The following CELF2 variants were observed in gnomAD, a reference collection of about 807,000 sequenced individuals.
The protein encoded by CELF2 is CUGBP Elav-like family member 2.
CELF2 carries 8 observed loss-of-function variants against 62.6 expected under a neutral mutation model. The observed-to-expected ratio is 0.13, with a 90% CI of 0.07 to 0.23. The LOEUF (loss-of-function observed/expected upper bound fraction) is 0.23. Ranked by LOEUF, CELF2 falls within the 10% of genes least tolerant of loss-of-function variation. The pLI is 1.00. For synonymous variants in CELF2, 258 were observed against 250.0 expected (o/e 1.03, Z -0.30); for missense variants, 333 against 671.0 (o/e 0.50, Z 5.56).
the CELF2 span, among the ~76,000 whole-genome samples, chr10:10,775,137 A>G: frequency 1.3e-5 from 2 of 152,114 alleles, no homozygotes; most frequent in African/African-American, 4.8e-5. Flanking sequence ...TCAGCCTCCC[A>G]AAGTACCGGG....
chr10:10,922,118 C>CAA (rs11439941), intron 2 of CELF2, among the ~76,000 whole-genome samples: 7,302 of 150,240 alleles, frequency 0.049, 580 homozygotes, highest in African/African-American at 0.17. Flanking sequence ...TTAATATTGC[C>CAA]AAAAAAAAAC....
the CELF2 span, among the ~76,000 whole-genome samples, chr10:10,711,523 G>A: frequency 6.6e-6 from 1 of 152,110 alleles, no homozygotes; most frequent in Non-Finnish European, 1.5e-5. Flanking sequence ...AGGTGACCTG[G>A]AGCAATTGCC....
At chr10:10,475,496 T>C in the CELF2 span, among the ~76,000 whole-genome samples, 1 of 151,898 alleles carries the variant, frequency 6.6e-6, no homozygotes, top group Non-Finnish European at 1.5e-5. Context: ...AAAAAAGTAA[T>C]TTTCTACTTC....
chr10:11,071,094 T>C (rs2069816087), intron 1 of CELF2, among the ~76,000 whole-genome samples: 1 of 152,204 alleles, frequency 6.6e-6, no homozygotes, highest in Admixed American at 6.5e-5. Context: ...ATTTTAATCT[T>C]GTTTATGTTT....
chr10:11,254,763 C>T (rs4750035), intron 4 of CELF2, among the ~76,000 whole-genome samples: 54,448 of 152,130 alleles, frequency 0.36, 11,485 homozygotes, highest in Non-Finnish European at 0.48. Context: ...AGAAGAAACA[C>T]AACAGGAATT....
chr10:10,492,938 C>A, the CELF2 span, among the ~76,000 whole-genome samples: 3 of 152,284 alleles, frequency 2.0e-5, no homozygotes, highest in Middle Eastern at 3.4e-3. Flanking sequence ...CTCTTGCCTG[C>A]CACCGTGTAG....
chr10:10,831,561 A>G (rs2057860710), intron 1 of CELF2, among the ~76,000 whole-genome samples: 1 of 152,218 alleles, frequency 6.6e-6, no homozygotes, highest in Non-Finnish European at 1.5e-5. Context: ...CACTATGGAC[A>G]AGGGGGCCCC....
chr10:10,577,802 T>G, the CELF2 span, among the ~76,000 whole-genome samples: 1 of 152,308 alleles, frequency 6.6e-6, no homozygotes, highest in Non-Finnish European at 1.5e-5. Flanking sequence ...CTATTGTGAA[T>G]ATTGCCACAA....
intron 1 of CELF2, among the ~76,000 whole-genome samples, chr10:10,825,209 T>TG (rs2057288061): frequency 6.6e-6 from 1 of 151,930 alleles, no homozygotes; most frequent in South Asian, 2.1e-4. Flanking sequence ...TTGTTTTTTG[T>TG]TTTTTGTGTT....
the CELF2 span, among the ~76,000 whole-genome samples, chr10:10,575,799 G>T: frequency 6.6e-6 from 1 of 152,138 alleles, no homozygotes; most frequent in South Asian, 2.1e-4. Context: ...GGGGAAAAAT[G>T]GAAATTTACT....
intron 3 of CELF2, among the ~76,000 whole-genome samples, chr10:11,230,179 G>A (rs1168967774): frequency 6.6e-6 from 1 of 152,252 alleles, no homozygotes; most frequent in South Asian, 2.1e-4. Flanking sequence ...AGATCCCTGG[G>A]TCTTACACGT....
intron 1 of CELF2, among the ~76,000 whole-genome samples, chr10:10,827,083 T>C (rs183337095): frequency 9.0e-4 from 133 of 147,876 alleles, no homozygotes; most frequent in Non-Finnish European, 1.7e-3. Flanking sequence ...GGAAATTTTA[T>C]TGAGATCAAA....
In CELF2 at chr10:11,251,343, C is replaced by T. The variant is rs192667877; in HGVS notation, c.403+2142C>T. ...ATTCATTTGCCTCAGAGAACCCTTT[C>T]TACAGGCAGCTGCCAGGAGTTTGCA... On this transcript the variant is annotated intron_variant, in intron 4 of 12. Transcript: ENST00000633077. Among the ~76,000 whole-genome samples, 792 of 111,436 alleles carry T rather than the reference C, an allele frequency of 7.1e-3. 6 individuals are homozygous for T. The highest frequency in any genetic ancestry group is 0.025 in the African/African-American group (736 of 29,060). 73.1% of individuals were successfully genotyped at this position (111,436 alleles called of 152,430 possible). A position where few individuals can be genotyped will look rare whatever the true frequency, so the allele number is the denominator to read the frequency against.
chr10:10,646,812 G>A, the CELF2 span, among the ~76,000 whole-genome samples: 12 of 152,140 alleles, frequency 7.9e-5, no homozygotes, highest in Admixed American at 2.6e-4. Context: ...CTTCAGCTTC[G>A]CTTGGCATTA....
the CELF2 span, among the ~76,000 whole-genome samples, chr10:10,559,598 A>G: frequency 2.0e-5 from 3 of 152,210 alleles, no homozygotes; most frequent in East Asian, 5.8e-4. Context: ...ATCCTAATAC[A>G]TGGTAGAAAT....
chr10:11,236,435 G>A (rs923266046), intron 3 of CELF2, among the ~76,000 whole-genome samples: 1 of 152,202 alleles, frequency 6.6e-6, no homozygotes, highest in African/African-American at 2.4e-5. Flanking sequence ...CGTTGTGCAG[G>A]AAACACTCAT....
upstream of CELF2, among the ~76,000 whole-genome samples, chr10:11,002,569 C>T (rs539263802): frequency 1.3e-5 from 2 of 152,168 alleles, no homozygotes; most frequent in Non-Finnish European, 2.9e-5. The surrounding 1 kb of genome is among the most constrained non-coding windows in gnomAD (Gnocchi z 4.4). Flanking sequence ...AGCGCCTAAG[C>T]TCCATCATTA....
At chr10:10,755,767 T>C in the CELF2 span, among the ~76,000 whole-genome samples, 1 of 152,302 alleles carries the variant, frequency 6.6e-6, no homozygotes, top group East Asian at 1.9e-4. Context: ...TAGGATCAGA[T>C]TCACAAGACA....
At chr10:11,256,424 G>T (rs2078758216) in intron 4 of CELF2, among the ~76,000 whole-genome samples, 1 of 152,094 alleles carries the variant, frequency 6.6e-6, no homozygotes. Flanking sequence ...TCCGGGGTAG[G>T]CATAAAAGAA....
Sources: allele counts gnomAD v4.1 joint callset (sites outside exome capture counted in the v4.1 genomes callset), GRCh38; gene constraint gnomAD v4.1.1; non-coding constraint Gnocchi (gnomAD v3.1); transcripts MANE v1.5; gene names NCBI Gene and HGNC (gene_info 2026-07-23, HGNC 2026-07-21).